STK32B: variants seen among roughly 807,000 people sequenced by gnomAD.
STK32B encodes the protein serine/threonine kinase 32B, also known as serine/threonine-protein kinase 32B.
STK32B carries 43 observed loss-of-function variants against 52.6 expected under a neutral mutation model. The ratio of observed to expected loss-of-function variants is 0.82; its 90% CI spans 0.64 to 1.05. The LOEUF is 1.05. Among genes scored for constraint, STK32B ranks in the 50% least tolerant of loss-of-function variants. STK32B has a pLI of 0.00. For synonymous variants in STK32B, 238 were observed against 204.3 expected (o/e 1.17, Z -1.41); for missense variants, 621 against 534.6 (o/e 1.16, Z -1.59).
intron 1 of STK32B, among the ~76,000 whole-genome samples, chr4:5,062,558 G>A (rs1270532314): frequency 6.6e-6 from 1 of 152,154 alleles, no homozygotes; most frequent in East Asian, 1.9e-4. Flanking sequence ...CCAGGCTGGA[G>A]TGCAGTGGCA....
chr4:5,193,013 CCCCAGTGCCT>C (rs1450685216), intron 3 of STK32B, among the ~76,000 whole-genome samples: 1 of 152,154 alleles, frequency 6.6e-6, no homozygotes, highest in Non-Finnish European at 1.5e-5. Flanking sequence ...GGGGGATGGT[CCCCAGTGCCT>C]CCCAGTGCCT....
intron 11 of STK32B, among the ~76,000 whole-genome samples, chr4:5,487,739 T>G (rs748165754): frequency 2.6e-5 from 4 of 151,398 alleles, no homozygotes; most frequent in Non-Finnish European, 5.9e-5. Context: ...AGGGGAGGAG[T>G]CTTATTCTGA....
intron 3 of STK32B, among the ~76,000 whole-genome samples, chr4:5,302,209 T>TAAAAA (rs202157359): frequency 0.011 from 1,527 of 138,708 alleles, 15 homozygotes; most frequent in African/African-American, 0.041. Context: ...ACAAAAATTG[T>TAAAAA]AAAAAAAAAA....
rs544257821 is a variant in STK32B, at chr4:5,271,095, G to T, written c.261-60125G>T. 1.9e-3 allele frequency among the ~76,000 whole-genome samples: 289 copies of T among 152,134 alleles called. 1 individual carries two copies. The highest frequency in any genetic ancestry group is 3.5e-3 in the Non-Finnish European group (239 of 67,994). ...TGGGACTGCAGGTGCATGCCACCAT[G>T]CCCGGCTAATTTTTGTATTTCTAGT... On this transcript the variant is annotated intron_variant, in intron 3 of 11. Coordinates refer to ENST00000282908, the MANE Select transcript of STK32B (RefSeq NM_018401.3).
intron 3 of STK32B, among the ~76,000 whole-genome samples, chr4:5,208,938 G>C (rs1448798008): frequency 6.6e-6 from 1 of 152,166 alleles, no homozygotes; most frequent in African/African-American, 2.4e-5. Flanking sequence ...CCTGCTCAGT[G>C]GGCTTCATCA....
intron 11 of STK32B, among the ~76,000 whole-genome samples, chr4:5,483,207 C>A (rs911758030): frequency 6.6e-6 from 1 of 151,474 alleles, no homozygotes; most frequent in African/African-American, 2.5e-5. Flanking sequence ...GCTGTGAATC[C>A]ATCTGGTCCT....
chr4:5,220,156 G>A (rs1723434556), intron 3 of STK32B, among the ~76,000 whole-genome samples: 1 of 152,156 alleles, frequency 6.6e-6, no homozygotes, highest in Non-Finnish European at 1.5e-5. Flanking sequence ...GATGTACACC[G>A]AGTGTGCCTA....
At chr4:5,097,834 G>C (rs1713484771) in intron 1 of STK32B, among the ~76,000 whole-genome samples, 1 of 152,198 alleles carries the variant, frequency 6.6e-6, no homozygotes, top group African/African-American at 2.4e-5. Flanking sequence ...AAACCCAATG[G>C]CTTAAAACAA....
At chr4:5,278,034 A>G (rs1211065259) in intron 3 of STK32B, among the ~76,000 whole-genome samples, 5 of 152,238 alleles carry the variant, frequency 3.3e-5, no homozygotes, top group African/African-American at 1.2e-4. Context: ...CAATTGATCA[A>G]GAAGCCACAC....
At chr4:5,476,784 A>G (rs890390839) in intron 11 of STK32B, among the ~76,000 whole-genome samples, 4 of 151,164 alleles carry the variant, frequency 2.6e-5, no homozygotes, top group Admixed American at 6.6e-5. Context: ...GAAGTATTCA[A>G]TTTATGAAGA....
At chr4:5,122,365 CTCATTCACTCAT>C (rs1202562203) in intron 1 of STK32B, among the ~76,000 whole-genome samples, 4,347 of 80,464 alleles carry the variant, frequency 0.054, 100 homozygotes, top group Middle Eastern at 0.095. Flanking sequence ...CACTTGTTCA[CTCATTCACTCAT>C]TCATTCACTC....
chr4:5,476,777 G>T (rs1028890881), intron 11 of STK32B, among the ~76,000 whole-genome samples: 7 of 151,292 alleles, frequency 4.6e-5, no homozygotes, highest in African/African-American at 1.7e-4. Context: ...CTTTGCAGAA[G>T]TATTCAATTT....
At chr4:5,039,899 C>T in the STK32B span, among the ~76,000 whole-genome samples, 81 of 152,344 alleles carry the variant, frequency 5.3e-4, no homozygotes, top group East Asian at 0.013. Context: ...ATCACCAAGA[C>T]AGTGTCTATC....
intron 1 of STK32B, among the ~76,000 whole-genome samples, chr4:5,099,834 C>T (rs1713628630): frequency 1.3e-5 from 2 of 152,112 alleles, no homozygotes; most frequent in South Asian, 4.2e-4. Flanking sequence ...TCCCGGGTTT[C>T]CAAGCGGGAC....
At chr4:5,221,614 A>G (rs1723543343) in intron 3 of STK32B, among the ~76,000 whole-genome samples, 1 of 152,112 alleles carries the variant, frequency 6.6e-6, no homozygotes, top group Non-Finnish European at 1.5e-5. Context: ...CATTCCTACT[A>G]TGGTTTTAGT....
At chr4:5,147,892 T>A (rs1002885937) in intron 2 of STK32B, among the ~76,000 whole-genome samples, 7 of 151,986 alleles carry the variant, frequency 4.6e-5, no homozygotes, top group Non-Finnish European at 1.0e-4. Flanking sequence ...TTCATCAAAT[T>A]TGTTTTCAGG....
chr4:5,124,326 G>A (rs1464655456), intron 1 of STK32B, among the ~76,000 whole-genome samples: 3 of 152,150 alleles, frequency 2.0e-5, no homozygotes, highest in East Asian at 1.9e-4. Flanking sequence ...AAAACCATCG[G>A]CATTTTCTTA....
Position 5,398,208 on chromosome 4 carries a change from G to A in STK32B, c.436G>A (p.Asp146Asn), listed in dbSNP as rs1737046737. Reference sequence around the variant, plus strand: ...CAGCTTCTTTGTTTTCTTTTACAGAGACATCAAGCCAGACAATATCCTGCT... The same window carrying A: ...CAGCTTCTTTGTTTTCTTTTACAGAAACATCAAGCCAGACAATATCCTGCT... ...YLQRYHIIHR[D>N]IKPDNILLDE... The change falls in exon 5 of 12, where the codon GAC becomes AAC. Residue 146 changes from aspartate to asparagine, a missense_variant and splice_region_variant. Transcript: ENST00000282908. This position sits in a 1 kb window ranked among gnomAD's most constrained non-coding sequence, Gnocchi z 4.9. 2 of 1,613,962 alleles carry A rather than the reference G, an allele frequency of 1.2e-6. No individual in the cohort carries two copies. The highest frequency in any genetic ancestry group is 1.7e-6 in the Non-Finnish European group (2 of 1,179,984).
chr4:5,023,262 T>C, the STK32B span, among the ~76,000 whole-genome samples: 9 of 152,160 alleles, frequency 5.9e-5, no homozygotes, highest in Non-Finnish European at 1.2e-4. Context: ...TTTGTGGTGA[T>C]TTGTTACAGC....
Sources: gnomAD v4.1 joint callset for allele counts (sites outside exome capture counted in the v4.1 genomes callset) on GRCh38, gnomAD v4.1.1 for gene constraint, Gnocchi (gnomAD v3.1) non-coding constraint, MANE v1.5 for transcripts, NCBI Gene and HGNC (gene_info 2026-07-23, HGNC 2026-07-21) for gene names.